The following NPAS3 variants were observed in gnomAD, a reference collection of about 807,000 sequenced individuals.
NPAS3 encodes the protein neuronal PAS domain-containing protein 3.
Under a neutral mutation model 73.1 loss-of-function variants are expected in NPAS3, and 14 were observed. That is an observed-to-expected ratio of 0.19 (90% CI 0.13 to 0.30). NPAS3 has a LOEUF of 0.30. NPAS3 is among the 10% of genes least tolerant of loss of function. The probability of loss-of-function intolerance (pLI) is 1.00; values close to 1 mark genes in which losing one functional copy is unlikely to be tolerated. For missense variants in NPAS3, 1,096 were observed against 1,250.0 expected (o/e 0.88, Z 1.86); for synonymous variants, 620 against 541.5 (o/e 1.14, Z -2.01).
chr14:33,752,555 A>G (rs2061994656), intron 7 of NPAS3, among the ~76,000 whole-genome samples: 3 of 152,234 alleles, frequency 2.0e-5, no homozygotes, highest in African/African-American at 7.2e-5. Context: ...GAGCTGATGC[A>G]CAATAAACAA....
chr14:33,252,057 C>CTGTGTGTGTG lies in NPAS3; in HGVS notation c.385+36657_385+36666dup, dbSNP rs3057325. Among the ~76,000 whole-genome samples, 568 of 145,304 alleles carry CTGTGTGTGTG rather than the reference C, an allele frequency of 3.9e-3. 2 individuals are homozygous for CTGTGTGTGTG. Among genetic ancestry groups the CTGTGTGTGTG allele is most frequent in the African/African-American group, 0.014 (535 of 38,840 alleles). On this transcript the variant is annotated intron_variant, in intron 3 of 11. Transcript: ENST00000356141. ...CGTGGGTGTTTGCGTGTGTGTGTGT[C>CTGTGTGTGTG]TGTGTGTGTGTGTGTGTGTGTGTGT...
At chr14:33,131,922 G>A (rs1275668399) in intron 2 of NPAS3, among the ~76,000 whole-genome samples, 3 of 152,138 alleles carry the variant, frequency 2.0e-5, no homozygotes, top group Non-Finnish European at 4.4e-5. Flanking sequence ...GTCATGTGGA[G>A]AGCTGGTTCT....
intron 5 of NPAS3, among the ~76,000 whole-genome samples, chr14:33,624,056 C>T (rs1362950559): frequency 1.3e-5 from 2 of 152,180 alleles, no homozygotes; most frequent in African/African-American, 4.8e-5. Context: ...TTTAAAATTG[C>T]AAACTTCCTC....
intron 4 of NPAS3, among the ~76,000 whole-genome samples, chr14:33,555,885 T>G (rs1452639322): frequency 4.7e-5 from 4 of 85,368 alleles, no homozygotes; most frequent in African/African-American, 1.7e-4. Context: ...AACCAATTGT[T>G]GTTGGTGTGT....
chr14:33,299,988 CTT>C (rs2042464028), intron 3 of NPAS3, among the ~76,000 whole-genome samples: 1 of 152,198 alleles, frequency 6.6e-6, no homozygotes, highest in East Asian at 1.9e-4. Context: ...CAGAGGTTAA[CTT>C]TTAAATTTGA....
chr14:33,350,288 C>T (rs2044971570), intron 3 of NPAS3, among the ~76,000 whole-genome samples: 1 of 152,202 alleles, frequency 6.6e-6, no homozygotes, highest in Admixed American at 6.5e-5. Context: ...GGGAAATCCA[C>T]ATTTCTCCTC....
chr14:32,942,847 T>C (rs2036082192), intron 1 of NPAS3, among the ~76,000 whole-genome samples: 1 of 152,180 alleles, frequency 6.6e-6, no homozygotes, highest in African/African-American at 2.4e-5. Flanking sequence ...TAGGATGGCC[T>C]TCATATCACA....
chr14:33,557,416 G>C (rs1274064020), intron 4 of NPAS3, among the ~76,000 whole-genome samples: 1 of 152,142 alleles, frequency 6.6e-6, no homozygotes, highest in Non-Finnish European at 1.5e-5. Context: ...TCTATTGTTT[G>C]AACACAAATT....
At chr14:33,006,795 G>A (rs915934385) in intron 1 of NPAS3, among the ~76,000 whole-genome samples, 9 of 152,086 alleles carry the variant, frequency 5.9e-5, no homozygotes, top group African/African-American at 1.4e-4. Context: ...CATTTATGTC[G>A]GGCAATGACT....
chr14:33,508,445 G>A (rs1252570547), intron 4 of NPAS3, among the ~76,000 whole-genome samples: 1 of 151,996 alleles, frequency 6.6e-6, no homozygotes, highest in Non-Finnish European at 1.5e-5. Context: ...GGGATAGATA[G>A]CCAGCCAAAA....
intron 2 of NPAS3, among the ~76,000 whole-genome samples, chr14:33,087,487 A>G (rs2138776267): frequency 6.6e-6 from 1 of 152,062 alleles, no homozygotes; most frequent in Non-Finnish European, 1.5e-5. Context: ...ATCTCACCTC[A>G]CTGCACTACA....
At chr14:33,773,729 A>C (rs1439561260) in intron 7 of NPAS3, among the ~76,000 whole-genome samples, 2 of 152,188 alleles carry the variant, frequency 1.3e-5, no homozygotes, top group Non-Finnish European at 2.9e-5. Flanking sequence ...TCATGGGCCA[A>C]AGTCCTCTGA....
chr14:33,520,119 T>A (rs994521791), intron 4 of NPAS3, among the ~76,000 whole-genome samples: 1 of 152,138 alleles, frequency 6.6e-6, no homozygotes, highest in Non-Finnish European at 1.5e-5. Context: ...TTATTCCATC[T>A]TCAGCTAGCA....
At chr14:33,770,884 A>G (rs1296549694) in intron 7 of NPAS3, among the ~76,000 whole-genome samples, 1 of 152,228 alleles carries the variant, frequency 6.6e-6, no homozygotes, top group Non-Finnish European at 1.5e-5. Context: ...TGGACTACAG[A>G]GTGAGTAAGA....
chr14:32,957,691 C>T (rs1029727774), intron 1 of NPAS3, among the ~76,000 whole-genome samples: 2 of 152,086 alleles, frequency 1.3e-5, no homozygotes, highest in African/African-American at 2.4e-5. Flanking sequence ...ATTTTCTATT[C>T]CAGCATTCTA....
intron 1 of NPAS3, among the ~76,000 whole-genome samples, chr14:33,027,213 C>A (rs1177045448): frequency 6.6e-6 from 1 of 152,158 alleles, no homozygotes; most frequent in Non-Finnish European, 1.5e-5. Flanking sequence ...TTTTCTGGGG[C>A]TGAATTGAGT....
At chr14:33,150,883 C>A (rs953715892) in intron 2 of NPAS3, among the ~76,000 whole-genome samples, 1 of 152,222 alleles carries the variant, frequency 6.6e-6, no homozygotes, top group African/African-American at 2.4e-5. Flanking sequence ...GAGCCAATTT[C>A]ATTGCTGGGC....
intron 4 of NPAS3, among the ~76,000 whole-genome samples, chr14:33,475,077 C>T (rs1043926862): frequency 4.6e-5 from 7 of 151,950 alleles, no homozygotes; most frequent in South Asian, 2.1e-4. Context: ...ACCCTCTCAA[C>T]CTTTAATGAA....
rs370334809 is a variant in NPAS3, at chr14:33,751,082, C to T, written c.852+15750C>T. Among the ~76,000 whole-genome samples the T allele has an allele frequency of 6.9e-4, 105 of 152,282 alleles. 3 individuals are homozygous for T. The East Asian group carries it at 0.013, about 18-fold the overall frequency. ...CAGGAATAAAGATATCTAAGCTGAG[C>T]TGGCATATGTAGACAAGAGTAGGAA... On this transcript the variant is annotated intron_variant, in intron 7 of 11. Transcript: ENST00000356141.
Sources: allele counts gnomAD v4.1 joint callset (sites outside exome capture counted in the v4.1 genomes callset), GRCh38; gene constraint gnomAD v4.1.1; transcripts MANE v1.5; gene names NCBI Gene and HGNC (gene_info 2026-07-23, HGNC 2026-07-21).